The following VAV3 variants were observed in gnomAD, a reference collection of about 807,000 sequenced individuals.
The protein encoded by VAV3 is guanine nucleotide exchange factor VAV3.
VAV3 carries 94 observed loss-of-function variants against 131.2 expected under a neutral mutation model. That is an observed-to-expected ratio of 0.72 (90% CI 0.61 to 0.85). The LOEUF (loss-of-function observed/expected upper bound fraction) is 0.85, where lower values mean the gene tolerates loss of function less well. Among genes scored for constraint, VAV3 ranks in the 40% least tolerant of loss-of-function variants. The pLI, the probability that VAV3 is intolerant of heterozygous loss-of-function variation, is 0.00. For synonymous variants in VAV3, 349 were observed against 342.0 expected, an observed-to-expected ratio of 1.02 and a Z score of -0.22; for missense variants, 939 against 1,002.7, an observed-to-expected ratio of 0.94 and a Z score of 0.86.
At chr1:107,840,936 T>A (rs1003788437) in intron 2 of VAV3, among the ~76,000 whole-genome samples, 109 of 150,856 alleles carry the variant, frequency 7.2e-4, no homozygotes, top group African/African-American at 2.6e-3. Context: ...AAAAAAAAAA[T>A]TCATCTGGCA....
chr1:107,663,507 A>AG (rs1330844931), intron 19 of VAV3, among the ~76,000 whole-genome samples: 5 of 152,214 alleles, frequency 3.3e-5, no homozygotes, highest in Admixed American at 6.5e-5. Context: ...AATGAAAAAA[A>AG]AATGGTTTGA....
intron 1 of VAV3, among the ~76,000 whole-genome samples, chr1:107,911,642 G>A (rs1208270698): frequency 1.3e-5 from 2 of 152,166 alleles, no homozygotes; most frequent in Non-Finnish European, 2.9e-5. Context: ...ATGGGAAAAT[G>A]GGCCACCATA....
intron 15 of VAV3, among the ~76,000 whole-genome samples, chr1:107,717,222 T>C (rs1661159766): frequency 6.6e-6 from 1 of 152,168 alleles, no homozygotes; most frequent in African/African-American, 2.4e-5. Flanking sequence ...AAGGGTTTTG[T>C]GTGTCTCTAT....
intron 19 of VAV3, among the ~76,000 whole-genome samples, chr1:107,647,065 T>C (rs1441136695): frequency 6.6e-6 from 1 of 151,638 alleles, no homozygotes; most frequent in East Asian, 1.9e-4. Flanking sequence ...CAAACTTCAA[T>C]GAACTGAACA....
At chr1:107,607,266 G>A (rs746437980) in intron 22 of VAV3, among the ~76,000 whole-genome samples, 2 of 152,176 alleles carry the variant, frequency 1.3e-5, no homozygotes, top group African/African-American at 4.8e-5. Flanking sequence ...CTGATCATTT[G>A]ACAAGAACCT....
intron 25 of VAV3, among the ~76,000 whole-genome samples, chr1:107,591,087 C>T (rs372081014): frequency 6.6e-6 from 1 of 152,282 alleles, no homozygotes; most frequent in East Asian, 1.9e-4. Context: ...TATGAACCTT[C>T]ACACAAACGA....
chr1:107,678,479 T>G (rs773997812), intron 19 of VAV3, among the ~76,000 whole-genome samples: 8 of 152,142 alleles, frequency 5.3e-5, no homozygotes, highest in Non-Finnish European at 1.2e-4. Flanking sequence ...AGAAAAGAGA[T>G]AAAATGTATT....
At chr1:107,697,906 G>A (rs1659847045) in intron 17 of VAV3, among the ~76,000 whole-genome samples, 1 of 152,300 alleles carries the variant, frequency 6.6e-6, no homozygotes, top group African/African-American at 2.4e-5. Flanking sequence ...GCAAGCACAT[G>A]ATTACTTACT....
chr1:107,857,233 C>T (rs1669518679), intron 2 of VAV3, among the ~76,000 whole-genome samples: 1 of 152,134 alleles, frequency 6.6e-6, no homozygotes, highest in Non-Finnish European at 1.5e-5. Context: ...CACGAAAAGG[C>T]TACACTGGCT....
intron 2 of VAV3, among the ~76,000 whole-genome samples, chr1:107,840,137 AAAGTTCTCTATAG>A (rs1668633759): frequency 6.6e-6 from 1 of 152,220 alleles, no homozygotes; most frequent in Non-Finnish European, 1.5e-5. Context: ...AATACTTCCT[AAAGTTCTCTATAG>A]AAACTTGTAA....
At chr1:107,806,588 C>T (rs569891681) in intron 2 of VAV3, among the ~76,000 whole-genome samples, 17 of 152,216 alleles carry the variant, frequency 1.1e-4, no homozygotes, top group Non-Finnish European at 1.6e-4. Context: ...ATTTTTCTTG[C>T]TGTGAAAATA....
At chr1:107,605,894 T>C (rs912402875) in intron 22 of VAV3, among the ~76,000 whole-genome samples, 15 of 152,338 alleles carry the variant, frequency 9.8e-5, no homozygotes, top group African/African-American at 3.6e-4. Context: ...TAAGGGATAC[T>C]CAACCTATAG....
chr1:107,900,771 A>T (rs1315022432), intron 1 of VAV3, among the ~76,000 whole-genome samples: 1 of 147,194 alleles, frequency 6.8e-6, no homozygotes, highest in Non-Finnish European at 1.5e-5. Flanking sequence ...ATTGCATCAC[A>T]ATAGGGACTT....
At chr1:107,573,648 A>C (rs1364618398) in intron 26 of VAV3, among the ~76,000 whole-genome samples, 1 of 152,170 alleles carries the variant, frequency 6.6e-6, no homozygotes, top group Non-Finnish European at 1.5e-5. Flanking sequence ...AATGATTCCT[A>C]TTTCTGCTGT....
chr1:107,887,682 C>T (rs1182257144), intron 1 of VAV3, among the ~76,000 whole-genome samples: 1 of 152,112 alleles, frequency 6.6e-6, no homozygotes, highest in Non-Finnish European at 1.5e-5. Flanking sequence ...TTACTGTTCA[C>T]AGAAAGCCAG....
chr1:107,794,949 G>C (rs892339472), intron 2 of VAV3, among the ~76,000 whole-genome samples: 8 of 152,182 alleles, frequency 5.3e-5, no homozygotes, highest in Non-Finnish European at 8.8e-5. Flanking sequence ...ATTCAGCATT[G>C]TTCTCTGACG....
intron 2 of VAV3, among the ~76,000 whole-genome samples, chr1:107,846,585 T>C (rs576686780): frequency 2.2e-4 from 34 of 151,954 alleles, no homozygotes; most frequent in Middle Eastern, 3.4e-3. Context: ...ACCAAACAAA[T>C]GGAAACCAAA....
chr1:107,697,569 G>C (rs947806599), intron 17 of VAV3, among the ~76,000 whole-genome samples: 1 of 152,204 alleles, frequency 6.6e-6, no homozygotes, highest in African/African-American at 2.4e-5. Context: ...TTTAGAGAAT[G>C]ATGCTACTTT....
chr1:107,897,813 G>T (rs528616296), intron 1 of VAV3, among the ~76,000 whole-genome samples: 1 of 152,172 alleles, frequency 6.6e-6, no homozygotes, highest in African/African-American at 2.4e-5. Flanking sequence ...TGAAATGAAA[G>T]GGATAGTACA....
Sources: gnomAD v4.1 joint callset for allele counts (sites outside exome capture counted in the v4.1 genomes callset) on GRCh38, gnomAD v4.1.1 for gene constraint, MANE v1.5 for transcripts, NCBI Gene and HGNC (gene_info 2026-07-23, HGNC 2026-07-21) for gene names.